DPYD: variants seen among roughly 807,000 people sequenced by gnomAD.
DPYD encodes the protein dihydropyrimidine dehydrogenase [NADP(+)].
Under a neutral mutation model 116.2 loss-of-function variants are expected in DPYD, and 109 were observed. The ratio of observed to expected loss-of-function variants is 0.94; its 90% CI spans 0.80 to 1.10. The LOEUF (loss-of-function observed/expected upper bound fraction) is 1.10, where lower values mean the gene tolerates loss of function less well. DPYD is among the 50% of genes least tolerant of loss of function. The probability of loss-of-function intolerance (pLI) is 0.00; values close to 1 mark genes in which losing one functional copy is unlikely to be tolerated. For missense variants in DPYD, 1,302 were observed against 1,254.5 expected, an observed-to-expected ratio of 1.04 and a Z score of -0.57; for synonymous variants, 440 against 432.0, an observed-to-expected ratio of 1.02 and a Z score of -0.23.
chr1:97,456,685 T>A (rs527429086), intron 13 of DPYD, among the ~76,000 whole-genome samples: 1 of 152,112 alleles, frequency 6.6e-6, no homozygotes, highest in Admixed American at 6.6e-5. Flanking sequence ...GATGGCGTAA[T>A]TGAGAGCTGG....
intron 19 of DPYD, among the ~76,000 whole-genome samples, chr1:97,217,071 G>A (rs1311520921): frequency 6.6e-6 from 1 of 152,070 alleles, no homozygotes; most frequent in South Asian, 2.1e-4. Flanking sequence ...AGCTGGACAT[G>A]GTGGTGGGTG....
chr1:97,843,056 C>T (rs940618309), intron 2 of DPYD, among the ~76,000 whole-genome samples: 6 of 152,054 alleles, frequency 3.9e-5, no homozygotes, highest in Non-Finnish European at 5.9e-5. Flanking sequence ...ATTAACTCCC[C>T]ACTCTTCTAG....
intron 20 of DPYD, among the ~76,000 whole-genome samples, chr1:97,126,218 CAT>C (rs1170828911): frequency 6.6e-6 from 1 of 152,124 alleles, no homozygotes; most frequent in Non-Finnish European, 1.5e-5. Context: ...AACCTCCACA[CAT>C]GAGTATTTGA....
chr1:97,601,213 C>T (rs560493186), intron 8 of DPYD, among the ~76,000 whole-genome samples: 1 of 152,152 alleles, frequency 6.6e-6, no homozygotes, highest in South Asian at 2.1e-4. Flanking sequence ...GCTTACTATA[C>T]AGGGTTCTTT....
At chr1:97,867,048 A>AT (rs949659173) in intron 2 of DPYD, among the ~76,000 whole-genome samples, 155 of 151,690 alleles carry the variant, frequency 1.0e-3, no homozygotes, top group African/African-American at 3.5e-3. Context: ...ATACAGTTGC[A>AT]TTTTTTTTAA....
intron 12 of DPYD, among the ~76,000 whole-genome samples, chr1:97,535,160 A>G (rs1413270318): frequency 6.6e-6 from 1 of 152,094 alleles, no homozygotes; most frequent in Non-Finnish European, 1.5e-5. Flanking sequence ...ATGCCATTAT[A>G]CCATCCTGGA....
At chr1:97,418,260 T>C (rs1226481253) in intron 14 of DPYD, among the ~76,000 whole-genome samples, 8 of 152,122 alleles carry the variant, frequency 5.3e-5, no homozygotes, top group Non-Finnish European at 1.2e-4. Context: ...TTTTGTTGTT[T>C]TGCATTAAAA....
Position 97,162,102 on chromosome 1 carries a change from G to A in DPYD, c.2622+30967C>T, listed in dbSNP as rs528934528. Among the ~76,000 whole-genome samples, 1,181 of 152,058 alleles carry A rather than the reference G, an allele frequency of 7.8e-3. 15 individuals carry two copies. The highest frequency in any genetic ancestry group is 0.027 in the African/African-American group (1,103 of 41,474). ...GTATATACCCAGTAATGGGATGGCT[G>A]GGTCAAATGGTATTTCTAGTTCTAG... is the stretch of plus-strand genomic sequence containing the variant. On this transcript the variant is annotated intron_variant, in intron 20 of 22. Transcript: ENST00000370192.
chr1:97,473,438 C>T (rs1677770230), intron 13 of DPYD, among the ~76,000 whole-genome samples: 1 of 152,146 alleles, frequency 6.6e-6, no homozygotes, highest in African/African-American at 2.4e-5. Context: ...CTGCAGTCAA[C>T]ATGGGAGTGC....
intron 2 of DPYD, among the ~76,000 whole-genome samples, chr1:97,867,059 T>A (rs1671420436): frequency 6.6e-6 from 1 of 151,894 alleles, no homozygotes; most frequent in African/African-American, 2.4e-5. Flanking sequence ...TTTTTTTTAA[T>A]GTCTGAGGAC....
At chr1:97,225,476 A>T (rs1029722912) in intron 19 of DPYD, among the ~76,000 whole-genome samples, 1 of 151,816 alleles carries the variant, frequency 6.6e-6, no homozygotes, top group African/African-American at 2.4e-5. Context: ...TCTACACTCA[A>T]GACACATAAC....
chr1:97,893,462 A>ATATATG lies in DPYD; in HGVS notation c.40-10089_40-10088insCATATA, dbSNP rs1553256548. On this transcript the variant is annotated intron_variant, in intron 1 of 22. Coordinates refer to ENST00000370192, the MANE Select transcript of DPYD (RefSeq NM_000110.4). Reference sequence around the variant, plus strand: ...TATATATATATATATATATATATATAGCAATGGAGATATCATTTTATAATC... The same window carrying ATATATG: ...TATATATATATATATATATATATATATATATGGCAATGGAGATATCATTTTATAATC... Among the ~76,000 whole-genome samples, 358 of 139,832 alleles carry ATATATG rather than the reference A, an allele frequency of 2.6e-3. 6 individuals carry two copies. The highest frequency in any genetic ancestry group is 4.0e-3 in the African/African-American group (154 of 38,272). The allele number at this position is 139,832 out of a possible 152,430, so 91.7% of individuals were successfully genotyped here. A position where few individuals can be genotyped will look rare whatever the true frequency, so the allele number is the denominator to read the frequency against.
At chr1:97,905,409 T>C (rs1278681008) in intron 1 of DPYD, among the ~76,000 whole-genome samples, 2 of 152,026 alleles carry the variant, frequency 1.3e-5, no homozygotes, top group Non-Finnish European at 2.9e-5. Flanking sequence ...AGTCAAGGGC[T>C]CCAGTGAATC....
At chr1:97,854,814 C>T (rs1229727914) in intron 2 of DPYD, among the ~76,000 whole-genome samples, 3 of 152,084 alleles carry the variant, frequency 2.0e-5, no homozygotes, top group Non-Finnish European at 4.4e-5. Flanking sequence ...GATTCTTGTG[C>T]CCATCATGAG....
intron 13 of DPYD, among the ~76,000 whole-genome samples, chr1:97,515,111 T>C (rs1648120915): frequency 6.6e-6 from 1 of 151,930 alleles, no homozygotes; most frequent in African/African-American, 2.4e-5. Context: ...TCCTCTTGTA[T>C]AAAGCATCTT....
intron 3 of DPYD, among the ~76,000 whole-genome samples, chr1:97,816,507 G>A (rs575021240): frequency 3.9e-5 from 6 of 151,940 alleles, no homozygotes; most frequent in Non-Finnish European, 8.8e-5. Flanking sequence ...CCTTAGTATA[G>A]ATACCATGAT....
At chr1:97,130,400 C>A (rs572904453) in intron 20 of DPYD, among the ~76,000 whole-genome samples, 2 of 152,232 alleles carry the variant, frequency 1.3e-5, no homozygotes, top group Non-Finnish European at 2.9e-5. Context: ...ATGCTCTTTA[C>A]CTCTTCTATT....
intron 20 of DPYD, among the ~76,000 whole-genome samples, chr1:97,161,618 T>A (rs1157815298): frequency 6.6e-6 from 1 of 151,624 alleles, no homozygotes; most frequent in Admixed American, 6.6e-5. Flanking sequence ...ATGTGCACAA[T>A]GTACAGGTTA....
At chr1:97,680,161 T>C (rs1269733270) in intron 7 of DPYD, among the ~76,000 whole-genome samples, 1 of 152,116 alleles carries the variant, frequency 6.6e-6, no homozygotes, top group Non-Finnish European at 1.5e-5. Context: ...CATTTGTCAA[T>C]TGAAGTAATC....
Sources: gnomAD v4.1 joint callset for allele counts (sites outside exome capture counted in the v4.1 genomes callset) on GRCh38, gnomAD v4.1.1 for gene constraint, MANE v1.5 for transcripts, NCBI Gene and HGNC (gene_info 2026-07-23, HGNC 2026-07-21) for gene names.